Variants in XKR4 observed in about 807,000 individuals in gnomAD.
XKR4 encodes XK related 4, also known as XK-related protein 4.
A neutral mutation model predicts 53.9 loss-of-function variants in XKR4; 12 were observed. That is an observed-to-expected ratio of 0.22 (90% CI 0.14 to 0.36). XKR4 has a LOEUF of 0.36. Ranked by LOEUF, XKR4 falls within the 10% of genes least tolerant of loss-of-function variation. XKR4 has a pLI of 1.00. For missense variants in XKR4, 799 were observed against 859.5 expected, an observed-to-expected ratio of 0.93 and a Z score of 0.88; for synonymous variants, 354 against 362.4, an observed-to-expected ratio of 0.98 and a Z score of 0.26.
At chr8:55,128,313 A>G (rs1337085971) in intron 1 of XKR4, among the ~76,000 whole-genome samples, 4 of 152,230 alleles carry the variant, frequency 2.6e-5, no homozygotes, top group South Asian at 2.1e-4. Flanking sequence ...ATGATATCTC[A>G]TTGTAGTGCC....
chr8:55,258,571 C>T (rs60395039), intron 1 of XKR4, among the ~76,000 whole-genome samples: 35,710 of 152,024 alleles, frequency 0.23, 4,641 homozygotes, highest in East Asian at 0.49. Context: ...CAGAGCTGTC[C>T]GGTGAAATGG....
At chr8:55,272,088 G>C (rs1273509081) in intron 1 of XKR4, among the ~76,000 whole-genome samples, 1 of 152,186 alleles carries the variant, frequency 6.6e-6, no homozygotes, top group Non-Finnish European at 1.5e-5. Flanking sequence ...GGAGAGTTGG[G>C]TGCACAAGTG....
At chr8:55,320,313 A>T (rs964525451) in intron 1 of XKR4, among the ~76,000 whole-genome samples, 3 of 152,196 alleles carry the variant, frequency 2.0e-5, no homozygotes, top group Non-Finnish European at 4.4e-5. Flanking sequence ...TTAGGCTCAG[A>T]ACTTGCCCTG....
At chr8:55,502,941 C>G (rs57423051) in intron 2 of XKR4, among the ~76,000 whole-genome samples, 2,368 of 152,176 alleles carry the variant, frequency 0.016, 54 homozygotes, top group African/African-American at 0.055. Context: ...TTTCCCAGAC[C>G]ATTTGTTGAA....
intron 2 of XKR4, among the ~76,000 whole-genome samples, chr8:55,458,262 G>T (rs138126853): frequency 1.3e-5 from 2 of 152,328 alleles, no homozygotes; most frequent in African/African-American, 4.8e-5. Context: ...TCTTGTGAAG[G>T]GGTTGGCTTG....
At chr8:55,196,637 A>G (rs1170592384) in intron 1 of XKR4, among the ~76,000 whole-genome samples, 1 of 152,236 alleles carries the variant, frequency 6.6e-6, no homozygotes, top group African/African-American at 2.4e-5. Flanking sequence ...GGTTTGCTTA[A>G]ATAATGTTAA....
chr8:55,287,615 G>A (rs546260647), intron 1 of XKR4, among the ~76,000 whole-genome samples: 4 of 152,284 alleles, frequency 2.6e-5, no homozygotes, highest in South Asian at 4.1e-4. Context: ...TGACAAAGCC[G>A]GCAGCACATC....
intron 1 of XKR4, among the ~76,000 whole-genome samples, chr8:55,277,888 A>T (rs902612570): frequency 1.3e-5 from 2 of 152,226 alleles, no homozygotes; most frequent in African/African-American, 4.8e-5. Flanking sequence ...TACCTTCAAA[A>T]TGTCAAAATA....
chr8:55,239,569 T>C (rs1431790944), intron 1 of XKR4, among the ~76,000 whole-genome samples: 1 of 152,188 alleles, frequency 6.6e-6, no homozygotes, highest in Non-Finnish European at 1.5e-5. Flanking sequence ...CTGGCTTCTG[T>C]TGAATTGATT....
chr8:55,351,026 C>A (rs1803716383), intron 1 of XKR4, among the ~76,000 whole-genome samples: 1 of 152,136 alleles, frequency 6.6e-6, no homozygotes, highest in African/African-American at 2.4e-5. Context: ...CAGGCATGAG[C>A]CACCATGCCC....
intron 1 of XKR4, among the ~76,000 whole-genome samples, chr8:55,234,298 T>C (rs548246836): frequency 1.3e-5 from 2 of 152,266 alleles, no homozygotes; most frequent in Middle Eastern, 3.4e-3. Context: ...CAAAATCAGA[T>C]TTTTGCAAAA....
intron 2 of XKR4, among the ~76,000 whole-genome samples, chr8:55,455,523 C>A (rs1318498001): frequency 6.6e-6 from 1 of 152,118 alleles, no homozygotes; most frequent in South Asian, 2.1e-4. Flanking sequence ...AATACTATAG[C>A]CTTCCTCGCT....
rs1335754308 is a variant in XKR4, at chr8:55,527,149, G to A, written c.*2922G>A. The A allele has an allele frequency of 2.6e-5, 4 of 152,198 alleles. No homozygotes were observed. The highest frequency in any genetic ancestry group is 5.9e-5 in the Non-Finnish European group (4 of 68,018). The allele number at this position is 152,198 out of a possible 1,614,324, so 9.4% of individuals were successfully genotyped here. ...CTTTTACTTGTTTTCTAGATGCACA[G>A]ATAACAGAGAGTTTAAAGTATTCAG... On this transcript the variant is annotated 3_prime_UTR_variant, in exon 3 of 3. Coordinates refer to ENST00000327381, the MANE Select transcript of XKR4 (RefSeq NM_052898.2).
Position 55,524,251 on chromosome 8 carries a change from C to G in XKR4, c.*24C>G, listed in dbSNP as rs752547058. On this transcript the variant is annotated 3_prime_UTR_variant, in exon 3 of 3. Transcript: ENST00000327381. ...AAAGCAAAAGGAGTTGCAGGACCCA[C>G]AACATCCAGATGAAGGGGTGACAGC... is the stretch of plus-strand genomic sequence containing the variant. The G allele has an allele frequency of 6.3e-7, 1 of 1,591,560 alleles. No homozygotes were observed. The highest frequency in any genetic ancestry group is 1.1e-5 in the South Asian group (1 of 87,220).
intron 2 of XKR4, chr8:55,453,906 C>CA (rs1425704467): frequency 3.3e-6 from 2 of 610,252 alleles, no homozygotes; most frequent in Non-Finnish European, 6.3e-6. Flanking sequence ...ACAAAGAGAG[C>CA]AAAGGCCATG....
intron 2 of XKR4, among the ~76,000 whole-genome samples, chr8:55,490,932 C>A (rs541458435): frequency 4.0e-4 from 19 of 47,780 alleles, no homozygotes; most frequent in Admixed American, 3.7e-3. Flanking sequence ...TTTTTTCTGC[C>A]CCCCCCCCAC....
At chr8:55,359,475 C>G (rs1350681041) in intron 2 of XKR4, among the ~76,000 whole-genome samples, 1 of 152,172 alleles carries the variant, frequency 6.6e-6, no homozygotes, top group East Asian at 1.9e-4. Context: ...AACCAGAATA[C>G]AAATGAAATT....
At chr8:55,516,552 G>A (rs1806716660) in intron 2 of XKR4, among the ~76,000 whole-genome samples, 1 of 152,176 alleles carries the variant, frequency 6.6e-6, no homozygotes, top group African/African-American at 2.4e-5. Flanking sequence ...ATGTTGGGAA[G>A]ACAGGGAAAT....
intron 1 of XKR4, among the ~76,000 whole-genome samples, chr8:55,204,157 G>A (rs1054793896): frequency 4.9e-5 from 7 of 142,010 alleles, no homozygotes; most frequent in African/African-American, 1.5e-4. Context: ...ACTATACCAA[G>A]TGCCAACATA....
Sources: allele counts gnomAD v4.1 joint callset (sites outside exome capture counted in the v4.1 genomes callset), GRCh38; gene constraint gnomAD v4.1.1; transcripts MANE v1.5; gene names NCBI Gene and HGNC (gene_info 2026-07-23, HGNC 2026-07-21).